The following GPC6 variants were observed in gnomAD, a reference collection of about 807,000 sequenced individuals.
GPC6 encodes glypican-6.
Under a neutral mutation model 55.2 loss-of-function variants are expected in GPC6, and 14 were observed. The ratio of observed to expected loss-of-function variants is 0.25; its 90% confidence interval spans 0.17 to 0.40. GPC6 has a LOEUF of 0.40. GPC6 is among the 10% of genes least tolerant of loss of function. GPC6 has a pLI of 1.00. For synonymous variants in GPC6, 278 were observed against 259.6 expected, an observed-to-expected ratio of 1.07 and a Z score of -0.68; for missense variants, 641 against 708.5, an observed-to-expected ratio of 0.90 and a Z score of 1.08.
intron 3 of GPC6, among the ~76,000 whole-genome samples, chr13:93,989,707 T>C (rs1881205255): frequency 6.6e-6 from 1 of 152,146 alleles, no homozygotes; most frequent in Non-Finnish European, 1.5e-5. Flanking sequence ...ATGGTGATCA[T>C]TAAATTGAAG....
At chr13:94,068,994 G>T (rs774385287) in intron 4 of GPC6, among the ~76,000 whole-genome samples, 5 of 152,192 alleles carry the variant, frequency 3.3e-5, no homozygotes, top group African/African-American at 4.8e-5. Context: ...CCACTAGGCA[G>T]TGTCCCAGTA....
At chr13:93,375,522 G>A (rs1156268802) in intron 1 of GPC6, among the ~76,000 whole-genome samples, 2 of 152,158 alleles carry the variant, frequency 1.3e-5, no homozygotes, top group African/African-American at 2.4e-5. Context: ...ATGGTAGAGG[G>A]GAATGCGGGT....
intron 1 of GPC6, among the ~76,000 whole-genome samples, chr13:93,272,270 T>C (rs1249831320): frequency 6.6e-6 from 1 of 151,996 alleles, no homozygotes; most frequent in Admixed American, 6.6e-5. Context: ...GTAAGTTGTC[T>C]TTAGATGGCA....
chr13:94,293,936 C>A (rs527936381), intron 5 of GPC6, among the ~76,000 whole-genome samples: 1 of 152,174 alleles, frequency 6.6e-6, no homozygotes, highest in Non-Finnish European at 1.5e-5. Context: ...ATATAGGGAA[C>A]CTATTGATAA....
At chr13:93,730,228 G>A (rs1437258030) in intron 2 of GPC6, among the ~76,000 whole-genome samples, 2 of 152,016 alleles carry the variant, frequency 1.3e-5, no homozygotes, top group East Asian at 1.9e-4. Context: ...ACTCCTACCA[G>A]GTCCTCTCCT....
chr13:93,331,327 C>T (rs1879835608), intron 1 of GPC6, among the ~76,000 whole-genome samples: 1 of 147,912 alleles, frequency 6.8e-6, no homozygotes, highest in South Asian at 2.2e-4. Context: ...ATTATCCATT[C>T]TCACTGACAT....
chr13:93,601,152 G>A (rs1382715048), intron 2 of GPC6, among the ~76,000 whole-genome samples: 2 of 151,798 alleles, frequency 1.3e-5, no homozygotes, highest in African/African-American at 2.4e-5. Context: ...ACTTTGGGAC[G>A]CTGAGGCAGG....
rs548861126 is a variant in GPC6, at chr13:93,698,112, CTCT to C, written c.320-132034_320-132032del. The stretch of plus-strand genomic sequence containing the variant: ...CTTTCTATTCATCCAAACTTAACTT[CTCT>C]TCTTCTTGGCTCTCACAGTTTCTAC... On this transcript the variant is annotated intron_variant, in intron 2 of 8. Transcript: ENST00000377047. Among the ~76,000 whole-genome samples, 771 of 152,228 alleles carry C rather than the reference CTCT, an allele frequency of 5.1e-3. 8 individuals are homozygous for C. Among genetic ancestry groups the C allele is most frequent in the African/African-American group, 0.018 (734 of 41,558 alleles).
chr13:94,286,005 A>G (rs1892520314), intron 4 of GPC6, among the ~76,000 whole-genome samples: 1 of 152,208 alleles, frequency 6.6e-6, no homozygotes, highest in Non-Finnish European at 1.5e-5. Flanking sequence ...CCCAGACTCC[A>G]GAAGAAGATG....
intron 3 of GPC6, among the ~76,000 whole-genome samples, chr13:93,975,617 A>G (rs1880481737): frequency 6.6e-6 from 1 of 152,196 alleles, no homozygotes; most frequent in African/African-American, 2.4e-5. Flanking sequence ...CAGCAACTTC[A>G]CAATCTTAGT....
upstream of GPC6, among the ~76,000 whole-genome samples, chr13:93,223,006 A>G (rs1435956014): frequency 2.1e-5 from 3 of 143,982 alleles, no homozygotes; most frequent in African/African-American, 7.8e-5. Context: ...TGCTCCTTTA[A>G]TCAGGGAAAA....
chr13:93,358,281 A>G (rs1880921912), intron 1 of GPC6, among the ~76,000 whole-genome samples: 1 of 152,142 alleles, frequency 6.6e-6, no homozygotes, highest in Non-Finnish European at 1.5e-5. Flanking sequence ...GAGATCGAGC[A>G]GTGAGCTATG....
intron 6 of GPC6, among the ~76,000 whole-genome samples, chr13:94,343,740 T>C (rs984692276): frequency 1.3e-5 from 2 of 151,966 alleles, no homozygotes; most frequent in African/African-American, 4.8e-5. Flanking sequence ...GTTGTTAACT[T>C]TTTTTTTGAG....
chr13:94,160,282 T>G (rs1279934975), intron 4 of GPC6, among the ~76,000 whole-genome samples: 1 of 152,128 alleles, frequency 6.6e-6, no homozygotes, highest in Non-Finnish European at 1.5e-5. Context: ...ATACATAGGG[T>G]TTGGTGCTCT....
At chr13:93,565,458 A>G (rs2139464986) in intron 2 of GPC6, among the ~76,000 whole-genome samples, 1 of 151,876 alleles carries the variant, frequency 6.6e-6, no homozygotes, top group East Asian at 1.9e-4. Context: ...TTCTCACTCA[A>G]CTCTTTGCCT....
chr13:94,146,200 C>T (rs1257434372), intron 4 of GPC6, among the ~76,000 whole-genome samples: 1 of 152,022 alleles, frequency 6.6e-6, no homozygotes, highest in Non-Finnish European at 1.5e-5. Context: ...TGTTATCCAC[C>T]TTTGTATCCT....
At position 93,256,571 on chromosome 13, in the gene GPC6, A is replaced by G. The variant is rs1566542987; in HGVS notation, c.160+28955A>G. 3.3e-5 allele frequency among the ~76,000 whole-genome samples: 5 copies of G among 152,154 alleles called. No homozygotes were observed. The South Asian group carries it at 1.0e-3, about 31-fold the overall frequency. ...CCCTCAGTGCCTGGCTCAGATAAGA[A>G]ATTTAGTACACATATAATGAACAAT... is the stretch of plus-strand genomic sequence containing the variant. On this transcript the variant is annotated intron_variant, in intron 1 of 8. Transcript: ENST00000377047.
chr13:94,071,746 C>T (rs1413892707), intron 4 of GPC6, among the ~76,000 whole-genome samples: 5 of 152,128 alleles, frequency 3.3e-5, no homozygotes, highest in African/African-American at 9.7e-5. Flanking sequence ...TTACTCAGAT[C>T]TTCTTGTCTT....
chr13:93,797,590 G>A (rs1313464435), intron 2 of GPC6, among the ~76,000 whole-genome samples: 2 of 152,210 alleles, frequency 1.3e-5, no homozygotes, highest in Non-Finnish European at 2.9e-5. Context: ...CTATAAGGAA[G>A]TGGCTCTTTT....
Sources: gnomAD v4.1 joint callset for allele counts (sites outside exome capture counted in the v4.1 genomes callset) on GRCh38, gnomAD v4.1.1 for gene constraint, MANE v1.5 for transcripts, NCBI Gene and HGNC (gene_info 2026-07-23, HGNC 2026-07-21) for gene names.